Variants in WWC2 observed in about 807,000 individuals in gnomAD.
WWC2 encodes the protein WW and C2 domain containing 2.
A neutral mutation model predicts 138.5 loss-of-function variants in WWC2; 101 were observed. The observed-to-expected ratio is 0.73, with a 90% CI of 0.62 to 0.86. The LOEUF (loss-of-function observed/expected upper bound fraction) is 0.86, where lower values mean the gene tolerates loss of function less well. Among genes scored for constraint, WWC2 ranks in the 40% least tolerant of loss-of-function variants. WWC2 has a pLI of 0.00. For synonymous variants in WWC2, 558 were observed against 538.4 expected (o/e 1.04, Z -0.50); for missense variants, 1,420 against 1,419.4 (o/e 1.00, Z -0.01).
At chr4:183,160,298 A>T (rs1441263344) in intron 1 of WWC2, among the ~76,000 whole-genome samples, 1 of 152,244 alleles carries the variant, frequency 6.6e-6, no homozygotes, top group African/African-American at 2.4e-5. Context: ...AACATTTTGT[A>T]AGAATGAATA....
intron 11 of WWC2, among the ~76,000 whole-genome samples, chr4:183,262,268 C>T (rs1737352737): frequency 6.6e-6 from 1 of 152,146 alleles, no homozygotes; most frequent in Non-Finnish European, 1.5e-5. Context: ...GGCAGATGAT[C>T]ACTGTTGGTC....
intron 2 of WWC2, 31 bp from the exon 3 acceptor site, chr4:183,207,922 C>A: frequency 6.4e-7 from 1 of 1,556,440 alleles, no homozygotes; most frequent in Non-Finnish European, 8.7e-7. Flanking sequence ...AAGTTAAATT[C>A]TAAAAAGTAC....
At chr4:183,276,780 T>G (rs957284406) in intron 16 of WWC2, among the ~76,000 whole-genome samples, 1 of 152,128 alleles carries the variant, frequency 6.6e-6, no homozygotes, top group Non-Finnish European at 1.5e-5. Context: ...TCTTTTAGTA[T>G]AGACCTGTTA....
chr4:183,167,686 T>G (rs1436670949), intron 1 of WWC2, among the ~76,000 whole-genome samples: 1 of 152,106 alleles, frequency 6.6e-6, no homozygotes, highest in African/African-American at 2.4e-5. Flanking sequence ...ACATGGGTGA[T>G]GGAACACTTT....
chr4:183,148,374 C>T (rs1396916880), intron 1 of WWC2, among the ~76,000 whole-genome samples: 1 of 152,160 alleles, frequency 6.6e-6, no homozygotes, highest in Non-Finnish European at 1.5e-5. Context: ...TAGATTTTAA[C>T]TAAGTAAATG....
At position 183,261,541 on chromosome 4, in the gene WWC2, A is replaced by T. The variant is rs757965599; in HGVS notation, c.1909+9A>T. ...ATATGAAGGAACTGCAGGTAAATGC[A>T]GCCCTTTGCTTTCATGTATTCCCTG... is the stretch of plus-strand genomic sequence containing the variant. On this transcript the variant is annotated intron_variant, in intron 11 of 22. Coordinates refer to ENST00000403733, the MANE Select transcript of WWC2 (RefSeq NM_024949.6). 3 of 1,604,872 alleles carry T rather than the reference A, an allele frequency of 1.9e-6. No individual in the cohort carries two copies. The highest frequency in any genetic ancestry group is 2.6e-6 in the Non-Finnish European group (3 of 1,175,578).
At chr4:183,312,617 C>T in intron 22 of WWC2, 149 bp downstream of exon 22, 3 of 1,229,054 alleles carry the variant, frequency 2.4e-6, no homozygotes, top group Non-Finnish European at 3.3e-6. Context: ...TCCATTTGCA[C>T]CTGAGGTGAT....
At chr4:183,204,397 A>G (rs927565824) in intron 2 of WWC2, among the ~76,000 whole-genome samples, 1 of 152,140 alleles carries the variant, frequency 6.6e-6, no homozygotes, top group Admixed American at 6.5e-5. Flanking sequence ...CAATCGAGAG[A>G]CATGAGAGTA....
intron 9 of WWC2, among the ~76,000 whole-genome samples, chr4:183,255,972 T>G (rs1187819387): frequency 2.0e-5 from 3 of 151,888 alleles, no homozygotes; most frequent in Admixed American, 6.6e-5. Context: ...ATTTTAAAAA[T>G]TATTTATTTA....
chr4:183,206,372 C>T (rs373267381), intron 2 of WWC2, among the ~76,000 whole-genome samples: 1 of 151,894 alleles, frequency 6.6e-6, no homozygotes, highest in Non-Finnish European at 1.5e-5. Context: ...CCAAATTATC[C>T]CCTGTTTGTG....
chr4:183,293,157 G>A (rs759307975), intron 21 of WWC2, among the ~76,000 whole-genome samples: 7 of 152,148 alleles, frequency 4.6e-5, no homozygotes, highest in Non-Finnish European at 1.0e-4. Flanking sequence ...GTTTTGCCAT[G>A]TTGGCCAGAC....
intron 21 of WWC2, among the ~76,000 whole-genome samples, chr4:183,307,038 T>C (rs1027570125): frequency 6.6e-6 from 1 of 152,196 alleles, no homozygotes; most frequent in Non-Finnish European, 1.5e-5. Context: ...GAGTACTTCA[T>C]TTAATGACAA....
intron 11 of WWC2, among the ~76,000 whole-genome samples, chr4:183,263,766 A>G (rs1257404618): frequency 6.6e-6 from 1 of 152,168 alleles, no homozygotes; most frequent in African/African-American, 2.4e-5. Flanking sequence ...GTCTCAAAAA[A>G]AGGAAAGATG....
At chr4:183,212,932 T>G (rs945462689) in intron 4 of WWC2, among the ~76,000 whole-genome samples, 2 of 152,168 alleles carry the variant, frequency 1.3e-5, no homozygotes, top group Non-Finnish European at 2.9e-5. Context: ...ATTTATCACC[T>G]TGTGACCACA....
intron 1 of WWC2, among the ~76,000 whole-genome samples, chr4:183,112,105 T>C (rs546963965): frequency 1.4e-4 from 21 of 152,370 alleles, no homozygotes; most frequent in Middle Eastern, 3.4e-3. Flanking sequence ...GTATTTAACT[T>C]GGCAGAATGT....
intron 1 of WWC2, among the ~76,000 whole-genome samples, chr4:183,156,333 CTTTT>C (rs143885415): frequency 0.95 from 111,975 of 117,762 alleles, 53,263 homozygotes; most frequent in Middle Eastern, 1. Flanking sequence ...GCCCTTTGTT[CTTTT>C]TTTTTTTTTT....
chr4:183,251,244 T>C (rs141949723), intron 8 of WWC2, among the ~76,000 whole-genome samples: 14 of 152,372 alleles, frequency 9.2e-5, no homozygotes, highest in African/African-American at 3.1e-4. Context: ...CTTCTGGTTT[T>C]GTGGCCCGGC....
intron 1 of WWC2, among the ~76,000 whole-genome samples, chr4:183,151,295 A>G (rs1348020823): frequency 6.6e-6 from 1 of 152,128 alleles, no homozygotes; most frequent in African/African-American, 2.4e-5. Context: ...GCCAGTGATG[A>G]TGAGCATTTT....
rs62356741 is a variant in WWC2, at chr4:183,258,452, A to T, written c.1197-1187A>T. 1.6e-3 allele frequency among the ~76,000 whole-genome samples: 240 copies of T among 152,368 alleles called. 1 individual carries two copies. Among genetic ancestry groups the T allele is most frequent in the Non-Finnish European group, 3.1e-3 (211 of 68,036 alleles). ...AGGGATAGATACCTATAAATAAAAT[A>T]TGGGCATGTTTCCTTACTGCCAAAA... is the stretch of plus-strand genomic sequence containing the variant. On this transcript the variant is annotated intron_variant, in intron 9 of 22. Coordinates refer to ENST00000403733, the MANE Select transcript of WWC2 (RefSeq NM_024949.6).
Sources: gnomAD v4.1 joint callset for allele counts (sites outside exome capture counted in the v4.1 genomes callset) on GRCh38, gnomAD v4.1.1 for gene constraint, MANE v1.5 for transcripts, NCBI Gene and HGNC (gene_info 2026-07-23, HGNC 2026-07-21) for gene names.